SIMC1: variants seen among roughly 807,000 people sequenced by gnomAD.
SIMC1 encodes the protein SUMO-interacting motif-containing protein 1.
A neutral mutation model predicts 82.3 loss-of-function variants in SIMC1; 55 were observed. The observed-to-expected ratio is 0.67, with a 90% CI of 0.54 to 0.84. The LOEUF (loss-of-function observed/expected upper bound fraction) is 0.84. Among genes scored for constraint, SIMC1 ranks in the 40% least tolerant of loss-of-function variants. The probability of loss-of-function intolerance (pLI) is 0.00; values close to 1 mark genes in which losing one functional copy is unlikely to be tolerated. For synonymous variants in SIMC1, 353 were observed against 426.3 expected (o/e 0.83, Z 2.12); for missense variants, 915 against 1,107.2 (o/e 0.83, Z 2.46).
In SIMC1 at chr5:176,342,801, GATTT is replaced by G. The variant is rs58855752; in HGVS notation, c.2414-2373_2414-2370del. ...AGTGTTACTGTTTATCACAGCATCTGATTTATTTATTTGATTGCATTTGCCACAA... is the reference window on the plus strand; with the variant it reads ...AGTGTTACTGTTTATCACAGCATCTGATTTATTTGATTGCATTTGCCACAA... On this transcript the variant is annotated intron_variant, in intron 9 of 9. Coordinates refer to ENST00000429602, the MANE Select transcript of SIMC1 (RefSeq NM_001308195.2). 2.1e-4 allele frequency among the ~76,000 whole-genome samples: 32 copies of G among 152,284 alleles called. No individual in the cohort carries two copies. The East Asian group carries it at 5.8e-3, about 28-fold the overall frequency.
chr5:176,272,172 CAAAAAA>C (rs1162307977), intron 1 of SIMC1, among the ~76,000 whole-genome samples: 7 of 19,948 alleles, frequency 3.5e-4, no homozygotes, highest in African/African-American at 8.4e-4. Flanking sequence ...CCCATCTCTA[CAAAAAA>C]AAAAAAAAAA....
rs1344394653 is a variant in SIMC1, at chr5:176,295,678, G to A, written c.1664+416G>A. 6.0e-5 allele frequency among the ~76,000 whole-genome samples: 9 copies of A among 149,736 alleles called. No homozygotes were observed. In the East Asian group the frequency reaches 1.2e-3, roughly 20 times the overall value. ...CTCAGCCTCAGTTCTGTTTGGGGCC[G>A]CATGTGGTAGCCTCTCAGCCTCAGT... On this transcript the variant is annotated intron_variant, in intron 3 of 9. Coordinates refer to ENST00000429602, the MANE Select transcript of SIMC1 (RefSeq NM_001308195.2).
intron 6 of SIMC1, among the ~76,000 whole-genome samples, chr5:176,324,014 A>G (rs1324910234): frequency 2.0e-5 from 3 of 151,174 alleles, no homozygotes; most frequent in Non-Finnish European, 4.4e-5. Flanking sequence ...AAAAAAAAAA[A>G]CACGTGTTAG....
Position 176,345,898 on chromosome 5 carries a change from TAATGAATAGGGGGTAGAAACA to T in SIMC1, c.*456_*476del. ...ATTATATTGCCTGTTAATTTGACTGTAATGAATAGGGGGTAGAAACAAAAGGATCAAGTGTGTTATAAAACA... is the reference window on the plus strand; with the variant it reads ...ATTATATTGCCTGTTAATTTGACTGTAAAGGATCAAGTGTGTTATAAAACA... On this transcript the variant is annotated 3_prime_UTR_variant, in exon 10 of 10. Transcript: ENST00000429602. 6.6e-6 allele frequency: 1 copy of T among 152,374 alleles called. No individual in the cohort carries two copies. The highest frequency in any genetic ancestry group is 1.5e-5 in the Non-Finnish European group (1 of 68,064). 9.4% of individuals were successfully genotyped at this position (152,374 alleles called of 1,614,324 possible).
At chr5:176,273,342 A>G (rs1762530084) in intron 1 of SIMC1, among the ~76,000 whole-genome samples, 1 of 152,214 alleles carries the variant, frequency 6.6e-6, no homozygotes, top group African/African-American at 2.4e-5. Flanking sequence ...GACCTCCAGC[A>G]AACTCCAACA....
chr5:176,263,516 T>G lies in SIMC1; in HGVS notation c.129+24879T>G, dbSNP rs550607821. On this transcript the variant is annotated intron_variant, in intron 1 of 9. Coordinates refer to ENST00000429602, the MANE Select transcript of SIMC1 (RefSeq NM_001308195.2). ...AATGGGGAGCAGGTATGTCTCATGG[T>G]GAGAGAAGGAGGAAGAGAAAAAAGA... The G allele has an allele frequency of 2.1e-5, 31 of 1,471,750 alleles. No individual in the cohort carries two copies. In the East Asian group the frequency reaches 7.7e-4, roughly 36 times the overall value. 91.2% of individuals were successfully genotyped at this position (1,471,750 alleles called of 1,614,324 possible).
intron 1 of SIMC1, among the ~76,000 whole-genome samples, chr5:176,279,776 G>T (rs1237669376): frequency 6.6e-6 from 1 of 151,598 alleles, no homozygotes; most frequent in Non-Finnish European, 1.5e-5. Context: ...CCATGTAGTT[G>T]AGGAGTTTTG....
chr5:176,273,521 T>G (rs188970083), intron 1 of SIMC1, among the ~76,000 whole-genome samples: 32 of 152,348 alleles, frequency 2.1e-4, no homozygotes, highest in African/African-American at 7.7e-4. Flanking sequence ...TTTTTTTTTA[T>G]ACTTTAAGTT....
intron 4 of SIMC1, among the ~76,000 whole-genome samples, chr5:176,304,603 C>T (rs1243015266): frequency 7.4e-5 from 11 of 147,678 alleles, no homozygotes; most frequent in African/African-American, 1.5e-4. Context: ...TCTGCCCGGC[C>T]GCCACCCCGT....
At chr5:176,309,135 C>T (rs1024105564) in intron 4 of SIMC1, 2 of 623,002 alleles carry the variant, frequency 3.2e-6, no homozygotes, top group African/African-American at 1.8e-5. Flanking sequence ...TACTATAAAG[C>T]TGTAGTAATC....
intron 8 of SIMC1, 47 bp from the exon 9 acceptor site, chr5:176,336,998 AAACTGTACAAAAATTTT>A: frequency 6.2e-7 from 1 of 1,604,436 alleles, no homozygotes; most frequent in African/African-American, 1.3e-5. Flanking sequence ...GGTGAATTGA[AAACTGTACAAAAATTTT>A]AACTGGGGAA....
intron 7 of SIMC1, among the ~76,000 whole-genome samples, chr5:176,326,560 CTATTTATT>C (rs112886318): frequency 4.6e-5 from 7 of 151,250 alleles, no homozygotes; most frequent in South Asian, 2.1e-4. Context: ...AATGTTATCC[CTATTTATT>C]TATTTATTTG....
chr5:176,320,584 G>T (rs1280000446), intron 5 of SIMC1, among the ~76,000 whole-genome samples: 2 of 152,010 alleles, frequency 1.3e-5, no homozygotes, highest in Non-Finnish European at 2.9e-5. Context: ...TGCCCAGGCT[G>T]GTCTCAAACT....
chr5:176,257,510 G>GT (rs1041504658), intron 1 of SIMC1, among the ~76,000 whole-genome samples: 4 of 152,128 alleles, frequency 2.6e-5, no homozygotes, highest in Admixed American at 1.3e-4. Context: ...GAGAGTGAGA[G>GT]TGGGGGTGCA....
At chr5:176,244,557 G>A (rs1761370616) in intron 1 of SIMC1, among the ~76,000 whole-genome samples, 1 of 151,974 alleles carries the variant, frequency 6.6e-6, no homozygotes, top group African/African-American at 2.4e-5. Context: ...GGGAGGAAGA[G>A]CAGCTAGTGA....
chr5:176,302,511 C>G (rs977624557), intron 4 of SIMC1, among the ~76,000 whole-genome samples: 1 of 152,204 alleles, frequency 6.6e-6, no homozygotes, highest in African/African-American at 2.4e-5. Flanking sequence ...TGTGCCTGCT[C>G]TTGCCACTTC....
At chr5:176,286,563 GGACATA>G (rs1369945089) in intron 1 of SIMC1, among the ~76,000 whole-genome samples, 3 of 152,172 alleles carry the variant, frequency 2.0e-5, no homozygotes, top group Non-Finnish European at 4.4e-5. Flanking sequence ...ATACCATACA[GGACATA>G]GGCATAGGCA....
chr5:176,305,963 G>T (rs866123603), intron 4 of SIMC1, among the ~76,000 whole-genome samples: 2 of 71,004 alleles, frequency 2.8e-5, no homozygotes, highest in African/African-American at 5.7e-5. Context: ...CCGGCCAGCC[G>T]CCCCATCCGG....
chr5:176,283,972 T>G (rs1763139859), intron 1 of SIMC1, among the ~76,000 whole-genome samples: 3 of 152,302 alleles, frequency 2.0e-5, no homozygotes, highest in Non-Finnish European at 4.4e-5. Context: ...CAAGAAGACC[T>G]AACTATCCTA....
Sources: gnomAD v4.1 joint callset for allele counts (sites outside exome capture counted in the v4.1 genomes callset) on GRCh38, gnomAD v4.1.1 for gene constraint, MANE v1.5 for transcripts, NCBI Gene and HGNC (gene_info 2026-07-23, HGNC 2026-07-21) for gene names.